The following ZNF385D variants were observed in gnomAD, a reference collection of about 807,000 sequenced individuals.
ZNF385D encodes the protein zinc finger protein 659.
A neutral mutation model predicts 35.8 loss-of-function variants in ZNF385D; 15 were observed. The observed-to-expected ratio is 0.42, with a 90% CI of 0.28 to 0.64. The LOEUF (loss-of-function observed/expected upper bound fraction) is 0.64, where lower values mean the gene tolerates loss of function less well. Among genes scored for constraint, ZNF385D ranks in the 30% least tolerant of loss-of-function variants. ZNF385D has a pLI of 0.23. For synonymous variants in ZNF385D, 212 were observed against 186.8 expected (o/e 1.13, Z -1.10); for missense variants, 474 against 494.6 (o/e 0.96, Z 0.39).
At chr3:21,430,663 A>T (rs1701253714) in intron 5 of ZNF385D, among the ~76,000 whole-genome samples, 1 of 152,112 alleles carries the variant, frequency 6.6e-6, no homozygotes, top group African/African-American at 2.4e-5. Flanking sequence ...ACTATAGAAA[A>T]CACTAAGGCT....
chr3:22,085,156 A>G (rs577422323), intron 3 of ZNF385D, among the ~76,000 whole-genome samples: 4 of 151,212 alleles, frequency 2.6e-5, no homozygotes, highest in Non-Finnish European at 5.9e-5. Flanking sequence ...TAACATCACA[A>G]TTAAGAATAA....
chr3:21,721,170 C>T (rs13077481), intron 1 of ZNF385D, among the ~76,000 whole-genome samples: 25,269 of 152,022 alleles, frequency 0.17, 2,535 homozygotes, highest in Admixed American at 0.3. Context: ...CATTGCTATA[C>T]TGGTTGTCTA....
At chr3:22,331,886 T>G in intron 2 of ZNF385D, among the ~76,000 whole-genome samples, 1 of 152,186 alleles carries the variant, frequency 6.6e-6, no homozygotes, top group Non-Finnish European at 1.5e-5. Context: ...ATAGTAACTT[T>G]CAAAAAATAT....
intron 2 of ZNF385D, among the ~76,000 whole-genome samples, chr3:21,648,920 A>T (rs1007154092): frequency 6.6e-6 from 1 of 152,116 alleles, no homozygotes; most frequent in Admixed American, 6.6e-5. Context: ...TAGTAGTATT[A>T]TCTCCATTTT....
In ZNF385D at chr3:21,465,300, C is replaced by G. The variant is rs902644834; in HGVS notation, c.440-28097G>C. 6.6e-6 allele frequency among the ~76,000 whole-genome samples: 1 copy of G among 152,114 alleles called. No homozygotes were observed. Among genetic ancestry groups the G allele is most frequent in the African/African-American group, 2.4e-5 (1 of 41,422 alleles). On this transcript the variant is annotated intron_variant, in intron 4 of 7. Coordinates refer to ENST00000281523, the MANE Select transcript of ZNF385D (RefSeq NM_024697.3). The surrounding 1 kb of genome is among the most constrained non-coding windows in gnomAD (Gnocchi z 4.2). Reference sequence around the variant, plus strand: ...TATTTATCCAGTTAGGTGTCTAATGCAAAACACACTAATTTTTAAAGGTTG... The same window carrying G: ...TATTTATCCAGTTAGGTGTCTAATGGAAAACACACTAATTTTTAAAGGTTG...
intron 2 of ZNF385D, among the ~76,000 whole-genome samples, chr3:22,171,581 A>T (rs1364795812): frequency 6.6e-6 from 1 of 152,200 alleles, no homozygotes; most frequent in Non-Finnish European, 1.5e-5. Flanking sequence ...GGACATCATA[A>T]AACATTTACA....
chr3:21,827,620 A>T lies in ZNF385D; in HGVS notation c.326-162592T>A, dbSNP rs564330264. Among the ~76,000 whole-genome samples, 4 of 152,316 alleles carry T rather than the reference A, an allele frequency of 2.6e-5. No homozygotes were observed. The East Asian group carries it at 7.7e-4, about 29-fold the overall frequency. On this transcript the variant is annotated intron_variant, in intron 3 of 5. Transcript: ENST00000494108. ...TGTTTCATCCTGATTTCATATAGGG[A>T]GGAGATTAGTAGCCACAGCATCTTA...
chr3:21,423,960 C>T lies in ZNF385D; in HGVS notation c.954+3G>A. 6.2e-7 allele frequency: 1 copy of T among 1,605,632 alleles called. No individual in the cohort carries two copies. Among genetic ancestry groups the T allele is most frequent in the East Asian group, 2.3e-5 (1 of 44,092 alleles). ...GGCTGGACTCTTGCAAAATGACACT[C>T]ACCCCCAGTGGATGTGCTGTCTTCT... On this transcript the variant is annotated splice_donor_region_variant and intron_variant, in intron 7 of 7. Coordinates refer to ENST00000281523, the MANE Select transcript of ZNF385D (RefSeq NM_024697.3).
intron 2 of ZNF385D, among the ~76,000 whole-genome samples, chr3:22,251,756 C>T (rs755148047): frequency 7.9e-5 from 12 of 152,056 alleles, no homozygotes; most frequent in Non-Finnish European, 1.5e-4. Flanking sequence ...CCTCTACACA[C>T]AGGGAAATAA....
At chr3:21,966,402 G>A (rs900817012) in intron 3 of ZNF385D, among the ~76,000 whole-genome samples, 1 of 152,144 alleles carries the variant, frequency 6.6e-6, no homozygotes, top group African/African-American at 2.4e-5. Context: ...ACTTTAGGCT[G>A]GTAAAGACGC....
At chr3:21,841,417 G>T (rs1203880764) in intron 3 of ZNF385D, among the ~76,000 whole-genome samples, 1 of 148,434 alleles carries the variant, frequency 6.7e-6, no homozygotes, top group Non-Finnish European at 1.5e-5. Flanking sequence ...TGACATTGTT[G>T]AATTAAAGAA....
intron 2 of ZNF385D, among the ~76,000 whole-genome samples, chr3:22,349,545 T>C (rs1416553245): frequency 6.6e-6 from 1 of 152,170 alleles, no homozygotes. Flanking sequence ...ATAAACAAGA[T>C]AATGCAATTG....
chr3:22,337,517 G>C lies in ZNF385D; in HGVS notation c.106+34933C>G, dbSNP rs1695227664. On this transcript the variant is annotated intron_variant, in intron 2 of 5. Coordinates refer to the ZNF385D transcript ENST00000494108. The stretch of plus-strand genomic sequence containing the variant: ...CCACTGCACTCCAGCCTGGGCAACA[G>C]AGTGAGACTCCTTTTCAAAAAAAAT... Among the ~76,000 whole-genome samples, 3 of 152,122 alleles carry C rather than the reference G, an allele frequency of 2.0e-5. No homozygotes were observed. In the South Asian group the frequency reaches 6.2e-4, roughly 32 times the overall value.
chr3:22,286,653 AGTT>A (rs1028135613), intron 2 of ZNF385D, among the ~76,000 whole-genome samples: 1 of 152,208 alleles, frequency 6.6e-6, no homozygotes, highest in Non-Finnish European at 1.5e-5. Flanking sequence ...TTGACTCAAT[AGTT>A]GTTCAAAAGT....
At chr3:21,693,668 G>C (rs1192125829) in intron 1 of ZNF385D, among the ~76,000 whole-genome samples, 3 of 152,020 alleles carry the variant, frequency 2.0e-5, no homozygotes, top group Non-Finnish European at 4.4e-5. Context: ...AGTATAACAG[G>C]TGTTAGAAAT....
At chr3:21,988,693 C>G (rs1451667164) in intron 3 of ZNF385D, among the ~76,000 whole-genome samples, 2 of 151,502 alleles carry the variant, frequency 1.3e-5, no homozygotes, top group Non-Finnish European at 3.0e-5. Context: ...GTGGTGGGCT[C>G]CACCCAGTTG....
At position 21,420,773 on chromosome 3, in the gene ZNF385D, G is replaced by A. The variant is rs1318016559; in HGVS notation, c.*441C>T. The A allele has an allele frequency of 6.4e-6, 1 of 156,880 alleles. No homozygotes were observed. The highest frequency in any genetic ancestry group is 2.4e-5 in the African/African-American group (1 of 40,978). The allele number at this position is 156,880 out of a possible 1,614,324, so 9.7% of individuals were successfully genotyped here. On this transcript the variant is annotated 3_prime_UTR_variant, in exon 8 of 8. Coordinates refer to ENST00000281523, the MANE Select transcript of ZNF385D (RefSeq NM_024697.3). ...TAGTACTATTCACAGTGTTGCTTTTGTTTTTGTTTTTTTCCTTTTTTTTTG... is the reference window on the plus strand; with the variant it reads ...TAGTACTATTCACAGTGTTGCTTTTATTTTTGTTTTTTTCCTTTTTTTTTG...
intron 4 of ZNF385D, among the ~76,000 whole-genome samples, chr3:21,492,820 G>A (rs1349845150): frequency 7.4e-5 from 6 of 80,734 alleles, no homozygotes; most frequent in Admixed American, 6.6e-4. Flanking sequence ...AATAAATTTT[G>A]GCAGGATACA....
chr3:22,240,024 A>T (rs985995393), intron 2 of ZNF385D, among the ~76,000 whole-genome samples: 33 of 149,868 alleles, frequency 2.2e-4, no homozygotes, highest in Admixed American at 2.2e-3. Context: ...AAAAAAAAAA[A>T]TACAAAATAT....
Sources: gnomAD v4.1 joint callset for allele counts (sites outside exome capture counted in the v4.1 genomes callset) on GRCh38, gnomAD v4.1.1 for gene constraint, Gnocchi (gnomAD v3.1) non-coding constraint, MANE v1.5 for transcripts, NCBI Gene and HGNC (gene_info 2026-07-23, HGNC 2026-07-21) for gene names.